WFDC1: variants seen among roughly 807,000 people sequenced by gnomAD.
WFDC1 encodes WAP four-disulfide core domain 1.
WFDC1 carries 39 observed loss-of-function variants against 32.9 expected under a neutral mutation model. That is an observed-to-expected ratio of 1.19 (90% CI 0.92 to 1.55). WFDC1 has a LOEUF of 1.55. Ranked by LOEUF, WFDC1 falls within the 40% of genes most tolerant of loss-of-function variation. WFDC1 has a pLI of 0.00. For synonymous variants in WFDC1, 184 were observed against 137.4 expected, an observed-to-expected ratio of 1.34 and a Z score of -2.37; for missense variants, 386 against 309.5, an observed-to-expected ratio of 1.25 and a Z score of -1.85.
At chr16:84,303,407 G>A (rs1352256547) in intron 1 of WFDC1, among the ~76,000 whole-genome samples, 2 of 151,394 alleles carry the variant, frequency 1.3e-5, no homozygotes, top group African/African-American at 4.9e-5. Context: ...TCTGGAGATT[G>A]GATTCTTTTT....
rs1280571404 is a variant in WFDC1 at position 84,319,418 on chromosome 16, G to T, written c.422-13G>T. On this transcript the variant is annotated splice_polypyrimidine_tract_variant and intron_variant, in intron 3 of 6. Transcript: ENST00000219454. The stretch of plus-strand genomic sequence containing the variant: ...GTCGGCCTTCTAGACCCCAGCGTGT[G>T]TCCCTCCTGCAGCAGAGGCGTGCAG... 1.4e-5 allele frequency: 23 copies of T among 1,607,804 alleles called. No individual in the cohort carries two copies. The highest frequency in any genetic ancestry group is 1.9e-5 in the Non-Finnish European group (23 of 1,179,658).
In WFDC1 at chr16:84,313,772, C is replaced by T. The variant is rs150722842; in HGVS notation, c.337+619C>T. Among the ~76,000 whole-genome samples the T allele has an allele frequency of 5.8e-3, 881 of 152,340 alleles. 5 individuals are homozygous for T. Among genetic ancestry groups the T allele is most frequent in the Middle Eastern group, 0.017 (5 of 294 alleles). On this transcript the variant is annotated intron_variant, in intron 2 of 6. Coordinates refer to ENST00000219454, the MANE Select transcript of WFDC1 (RefSeq NM_021197.4). ...AGCGGGTGCGTGGCTTCAGATCCACCGGCCAGCTGTCACTTTCTTGAGTCT... is the reference window on the plus strand; with the variant it reads ...AGCGGGTGCGTGGCTTCAGATCCACTGGCCAGCTGTCACTTTCTTGAGTCT...
At chr16:84,307,498 ATG>A (rs1567654429) in intron 1 of WFDC1, among the ~76,000 whole-genome samples, 1 of 151,482 alleles carries the variant, frequency 6.6e-6, no homozygotes, top group East Asian at 1.9e-4. Context: ...ATTCTGAGAA[ATG>A]ACATTTGAAT....
intron 1 of WFDC1, among the ~76,000 whole-genome samples, chr16:84,299,414 C>G (rs1906803868): frequency 6.6e-6 from 1 of 151,892 alleles, no homozygotes; most frequent in African/African-American, 2.4e-5. Flanking sequence ...AACCCCATTC[C>G]AGAACCAAAT....
intron 1 of WFDC1, among the ~76,000 whole-genome samples, chr16:84,309,773 C>G (rs565820955): frequency 1.5e-4 from 23 of 152,176 alleles, no homozygotes; most frequent in African/African-American, 5.1e-4. Context: ...ACTCCTTGGT[C>G]TGTAGACGCC....
chr16:84,318,447 TC>T (rs1487194635), intron 3 of WFDC1, 92 bp downstream of exon 3: 2 of 1,276,270 alleles, frequency 1.6e-6, no homozygotes, highest in African/African-American at 2.9e-5. Context: ...AGGCCGGCTG[TC>T]CCCCATGCAC....
chr16:84,302,031 A>G (rs751601819), intron 1 of WFDC1, among the ~76,000 whole-genome samples: 11 of 152,232 alleles, frequency 7.2e-5, no homozygotes, highest in African/African-American at 1.7e-4. Context: ...AGGGGACTAG[A>G]ACTCAGCCAT....
chr16:84,307,538 A>C (rs1394059205), intron 1 of WFDC1, among the ~76,000 whole-genome samples: 1 of 152,080 alleles, frequency 6.6e-6, no homozygotes, highest in East Asian at 1.9e-4. Flanking sequence ...GCACAGCTCA[A>C]ATTGATCTCT....
At position 84,324,082 on chromosome 16, in the gene WFDC1, T is replaced by C. The variant is rs1908452026; in HGVS notation, c.563-337T>C. On this transcript the variant is annotated intron_variant, in intron 4 of 6. Coordinates refer to ENST00000219454, the MANE Select transcript of WFDC1 (RefSeq NM_021197.4). ...TTACAGTGAGCTGAGATCATGCCAC[T>C]GCACTCCAGCCTGGGCAACAGAGTG... Among the ~76,000 whole-genome samples the C allele has an allele frequency of 2.0e-5, 3 of 151,892 alleles. No homozygotes were observed. In the South Asian group the frequency reaches 6.2e-4, roughly 31 times the overall value.
chr16:84,300,772 C>T (rs1022016387), intron 1 of WFDC1, among the ~76,000 whole-genome samples: 21 of 152,162 alleles, frequency 1.4e-4, no homozygotes, highest in African/African-American at 5.1e-4. Flanking sequence ...GAGTTCGAGA[C>T]CAGCCTGGCC....
intron 2 of WFDC1, 145 bp from the exon 3 acceptor site, chr16:84,318,127 A>T: frequency 1.4e-6 from 1 of 715,950 alleles, no homozygotes; most frequent in Non-Finnish European, 2.4e-6. Context: ...CTAAAAGCAA[A>T]GGGTGAAGGT....
At chr16:84,317,878 C>G (rs983813727) in intron 2 of WFDC1, 1 of 200,230 alleles carries the variant, frequency 5.0e-6, no homozygotes, top group Non-Finnish European at 1.1e-5. Flanking sequence ...AGGGACCCAG[C>G]TTCCTTCCTT....
At chr16:84,317,086 A>G (rs1291015942) in intron 2 of WFDC1, 1 of 151,944 alleles carries the variant, frequency 6.6e-6, no homozygotes, top group Non-Finnish European at 1.5e-5. Context: ...TGAGGCCAGG[A>G]GTTCAAGACC....
At chr16:84,295,200 C>G in intron 1 of WFDC1, 85 bp downstream of exon 1, 1 of 1,533,100 alleles carries the variant, frequency 6.5e-7, no homozygotes, top group Non-Finnish European at 8.8e-7. Context: ...ACACTGCCTT[C>G]TCCTGTAAGT....
intron 1 of WFDC1, among the ~76,000 whole-genome samples, chr16:84,296,155 A>G (rs1055106480): frequency 6.6e-6 from 1 of 152,212 alleles, no homozygotes; most frequent in African/African-American, 2.4e-5. Flanking sequence ...CAGAGGGCTC[A>G]AGAAGGTAAT....
chr16:84,297,253 A>G (rs1476306090), intron 1 of WFDC1, among the ~76,000 whole-genome samples: 1 of 152,148 alleles, frequency 6.6e-6, no homozygotes, highest in Non-Finnish European at 1.5e-5. Context: ...CGCTGAATTG[A>G]AACTTTCCCT....
chr16:84,328,766 A>T (rs1008670699), intron 6 of WFDC1: 1 of 146,618 alleles, frequency 6.8e-6, no homozygotes, highest in Non-Finnish European at 1.5e-5. Flanking sequence ...CCTGGCCAAC[A>T]TGGTGAAACC....
At chr16:84,322,946 C>T (rs530145775) in intron 4 of WFDC1, among the ~76,000 whole-genome samples, 8 of 152,162 alleles carry the variant, frequency 5.3e-5, no homozygotes, top group Admixed American at 2.6e-4. Context: ...AGAAAAGTGA[C>T]GAGTAATCAT....
At chr16:84,314,283 A>G (rs1907822673) in intron 2 of WFDC1, among the ~76,000 whole-genome samples, 1 of 152,128 alleles carries the variant, frequency 6.6e-6, no homozygotes, top group Non-Finnish European at 1.5e-5. Flanking sequence ...CGGGGACAGT[A>G]AGTGGGGAGT....
Sources: gnomAD v4.1 joint callset for allele counts (sites outside exome capture counted in the v4.1 genomes callset) on GRCh38, gnomAD v4.1.1 for gene constraint, MANE v1.5 for transcripts, NCBI Gene and HGNC (gene_info 2026-07-23, HGNC 2026-07-21) for gene names.